Variants in ZFYVE16 observed in about 807,000 individuals in gnomAD.
The protein encoded by ZFYVE16 is zinc finger FYVE domain-containing protein 16.
Under a neutral mutation model 138.1 loss-of-function variants are expected in ZFYVE16, and 89 were observed. The observed-to-expected ratio is 0.64, with a 90% confidence interval of 0.54 to 0.77. The LOEUF is 0.77. ZFYVE16 is among the 30% of genes least tolerant of loss of function. The pLI is 0.00. For missense variants in ZFYVE16, 1,793 were observed against 1,786.7 expected (o/e 1.00, Z -0.06); for synonymous variants, 596 against 618.3 (o/e 0.96, Z 0.53).
At chr5:80,462,577 A>G (rs910005082) in intron 15 of ZFYVE16, among the ~76,000 whole-genome samples, 11 of 152,118 alleles carry the variant, frequency 7.2e-5, no homozygotes, top group Non-Finnish European at 1.5e-4. Context: ...AAGCCTAACT[A>G]TATCATTCCT....
chr5:80,426,266 GTGTGTGTATATATA>G (rs1443051072), intron 1 of ZFYVE16, among the ~76,000 whole-genome samples: 189 of 55,052 alleles, frequency 3.4e-3, no homozygotes, highest in Non-Finnish European at 5.8e-3. Flanking sequence ...GTGTGTGTGT[GTGTGTGTATATATA>G]TATATATATA....
chr5:80,434,841 CAA>C (rs984365359), intron 3 of ZFYVE16, among the ~76,000 whole-genome samples: 2 of 151,990 alleles, frequency 1.3e-5, no homozygotes, highest in African/African-American at 4.8e-5. Context: ...TTCATTACAA[CAA>C]GAGATGGTAT....
chr5:80,412,294 G>T (rs959968534), intron 1 of ZFYVE16, among the ~76,000 whole-genome samples: 4 of 151,948 alleles, frequency 2.6e-5, no homozygotes, highest in African/African-American at 9.7e-5. Flanking sequence ...ATATTACGAA[G>T]ATTTTTTCTT....
chr5:80,412,073 C>T lies in ZFYVE16; in HGVS notation c.-94+3920C>T, dbSNP rs150574204. Among the ~76,000 whole-genome samples the T allele has an allele frequency of 2.4e-3, 361 of 152,278 alleles. 2 individuals are homozygous for T. The highest frequency in any genetic ancestry group is 8.5e-3 in the African/African-American group (353 of 41,552). On this transcript the variant is annotated intron_variant, in intron 1 of 18. Transcript: ENST00000505560. ...GCTCTGGAGTAGCTGAGACCACAGGCGGGCATCACCATGCCTGGCTCATTT... is the reference window on the plus strand; with the variant it reads ...GCTCTGGAGTAGCTGAGACCACAGGTGGGCATCACCATGCCTGGCTCATTT...
Position 80,437,154 on chromosome 5 carries a change from A to C in ZFYVE16, c.469A>C (p.Asn157His). The part of the protein sequence containing the change: ...KKLLPDDFKS[N>H]ADSLIGLDLS... The stretch of plus-strand genomic sequence containing the variant: ...ATTATTGCCAGATGATTTTAAGTCT[A>C]ATGCAGATTCCTTGATTGGATTGGA... Residue 157 changes from asparagine to histidine, a missense_variant, in exon 4 of 19, where the codon AAT becomes CAT. Physicochemically the swap from Asn to His is moderately conservative, Grantham distance 68. Around this residue, in one of 2 missense-constraint regions of ZFYVE16, gnomAD observed 1,295 missense variants for 1,204.3 expected, o/e 1.08. Transcript: ENST00000505560. The C allele has an allele frequency of 6.2e-7, 1 of 1,614,038 alleles. No individual in the cohort carries two copies. Among genetic ancestry groups the C allele is most frequent in the Non-Finnish European group, 8.5e-7 (1 of 1,179,966 alleles).
At position 80,481,201 on chromosome 5, in the gene ZFYVE16, CT is replaced by C. The variant is rs1755256926; in HGVS notation, c.*3825del. Reference sequence around the variant, plus strand: ...AAGAGGTATCACTCTTCTCTTCCCCCTGGTGCACTAGTGGCAGACATTGCAG... The same window carrying C: ...AAGAGGTATCACTCTTCTCTTCCCCCGGTGCACTAGTGGCAGACATTGCAG... On this transcript the variant is annotated 3_prime_UTR_variant, in exon 19 of 19. Coordinates refer to ENST00000505560, the MANE Select transcript of ZFYVE16 (RefSeq NM_001284236.3). 6.6e-6 allele frequency among the ~76,000 whole-genome samples: 1 copy of C among 152,132 alleles called. No individual in the cohort carries two copies.
chr5:80,426,380 T>A (rs1211515442), intron 1 of ZFYVE16, among the ~76,000 whole-genome samples: 1 of 151,890 alleles, frequency 6.6e-6, no homozygotes, highest in Admixed American at 6.6e-5. Context: ...TTGCTGCACC[T>A]GTCAACCCAT....
chr5:80,434,847 A>G (rs1482154499), intron 3 of ZFYVE16, among the ~76,000 whole-genome samples: 1 of 151,816 alleles, frequency 6.6e-6, no homozygotes, highest in African/African-American at 2.4e-5. Context: ...ACAACAAGAG[A>G]TGGTATTTTA....
chr5:80,421,555 C>G (rs1343083590), intron 1 of ZFYVE16, among the ~76,000 whole-genome samples: 2 of 152,098 alleles, frequency 1.3e-5, no homozygotes, highest in African/African-American at 4.8e-5. Flanking sequence ...ATAGGGAATC[C>G]TTTCCCCATT....
intron 1 of ZFYVE16, among the ~76,000 whole-genome samples, chr5:80,423,631 G>A (rs1465354849): frequency 6.6e-6 from 1 of 152,180 alleles, no homozygotes; most frequent in Admixed American, 6.5e-5. Flanking sequence ...CACCTCCCAG[G>A]TTCACGCCAT....
At position 80,438,993 on chromosome 5, in the gene ZFYVE16, C is replaced by A; in HGVS notation, c.2308C>A (p.Arg770=). The part of the protein sequence containing the change: ...FTFTKRRHHC[R]ACGKVFCGVC... ...TTTTACCAAACGGCGACACCATTGC[C>A]GAGCATGTGGGAAAGTAAGTTATAA... is the stretch of plus-strand genomic sequence containing the variant. The change falls in exon 4 of 19, where the codon CGA becomes AGA. Residue 770 remains arginine, a synonymous_variant. Coordinates refer to ENST00000505560, the MANE Select transcript of ZFYVE16 (RefSeq NM_001284236.3). The A allele has an allele frequency of 6.2e-7, 1 of 1,605,398 alleles. No homozygotes were observed. The highest frequency in any genetic ancestry group is 1.1e-5 in the South Asian group (1 of 90,018).
rs1419959967 is a variant in ZFYVE16, at chr5:80,480,926, T to C, written c.*3549T>C. Among the ~76,000 whole-genome samples, 1 of 151,852 alleles carries C rather than the reference T, an allele frequency of 6.6e-6. No individual in the cohort carries two copies. The highest frequency in any genetic ancestry group is 2.4e-5 in the African/African-American group (1 of 41,318). On this transcript the variant is annotated 3_prime_UTR_variant, in exon 19 of 19. Coordinates refer to ENST00000505560, the MANE Select transcript of ZFYVE16 (RefSeq NM_001284236.3). ...AAAAAAAGGAAAAAGAAAAAAGACATTTAACAGGAAAACTGGAAATGCTAG... is the reference window on the plus strand; with the variant it reads ...AAAAAAAGGAAAAAGAAAAAAGACACTTAACAGGAAAACTGGAAATGCTAG...
At chr5:80,422,777 A>G (rs1580125138) in intron 1 of ZFYVE16, among the ~76,000 whole-genome samples, 1 of 152,108 alleles carries the variant, frequency 6.6e-6, no homozygotes, top group Non-Finnish European at 1.5e-5. Context: ...ATTAGCATCA[A>G]TTTATGTGAT....
chr5:80,438,277 C>T lies in ZFYVE16; in HGVS notation c.1592C>T (p.Ala531Val), dbSNP rs1192221343. The T allele has an allele frequency of 4.3e-6, 7 of 1,613,912 alleles. No homozygotes were observed. The highest frequency in any genetic ancestry group is 5.1e-6 in the Non-Finnish European group (6 of 1,179,966). Residue 531 changes from alanine to valine, a missense_variant, in exon 4 of 19, where the codon GCT (alanine) becomes GTT (valine). Physicochemically the swap from Ala to Val is moderately conservative, Grantham distance 64. Around this residue, in one of 2 missense-constraint regions of ZFYVE16, gnomAD observed 1,295 missense variants for 1,204.3 expected, o/e 1.08. Coordinates refer to ENST00000505560, the MANE Select transcript of ZFYVE16 (RefSeq NM_001284236.3). ...GAKSGPLISD[A>V]ELDAFLTEQY... ...AAAAGTGGCCCACTAATTAGTGATG[C>T]TGAACTTGATGCCTTTCTGACAGAA...
At chr5:80,448,447 A>G (rs753176711) in intron 8 of ZFYVE16, 43 bp downstream of exon 8, 2 of 1,395,236 alleles carry the variant, frequency 1.4e-6, no homozygotes, top group Non-Finnish European at 1.9e-6. Flanking sequence ...TTAAAAATAT[A>G]TACTGATGAA....
chr5:80,417,686 G>C (rs894153816), intron 1 of ZFYVE16, among the ~76,000 whole-genome samples: 4 of 152,130 alleles, frequency 2.6e-5, no homozygotes, highest in Non-Finnish European at 5.9e-5. Flanking sequence ...TATTCCATTG[G>C]ATAGATGTGT....
rs758706924 is a variant in ZFYVE16, at chr5:80,448,348, C to G, written c.3047C>G (p.Pro1016Arg). The G allele has an allele frequency of 1.0e-5, 16 of 1,599,824 alleles. No individual in the cohort carries two copies. In the Admixed American group the frequency reaches 1.9e-4, roughly 19 times the overall value. The change falls in exon 8 of 19, where the codon CCT (proline) becomes CGT (arginine). Residue 1016 changes from proline to arginine, a missense_variant. This residue lies in a region of ZFYVE16 where 1,295 missense variants were observed against 1,204.3 expected (regional missense o/e 1.08). Coordinates refer to ENST00000505560, the MANE Select transcript of ZFYVE16 (RefSeq NM_001284236.3). ...KYVCNKISLL[P>R]NDEDSLPPLL... ...GTCTGCAATAAGATTAGTCTTCTACCTAATGATGAGGACAGTTTGCCCCCA... is the reference window on the plus strand; with the variant it reads ...GTCTGCAATAAGATTAGTCTTCTACGTAATGATGAGGACAGTTTGCCCCCA...
rs149614183 is a variant in ZFYVE16 at position 80,436,849 on chromosome 5, T to G, written c.164T>G (p.Leu55Trp). The G allele has an allele frequency of 1.2e-6, 2 of 1,614,146 alleles. No individual in the cohort carries two copies. Among genetic ancestry groups the G allele is most frequent in the East Asian group, 2.2e-5 (1 of 44,868 alleles). Residue 55 changes from leucine to tryptophan, a missense_variant, in exon 4 of 19, where the codon TTG becomes TGG. This residue lies in a region of ZFYVE16 where 1,295 missense variants were observed against 1,204.3 expected (regional missense o/e 1.08). Transcript: ENST00000505560. ...SELASSQRTS[L>W]LPKDQECVNS... ...TTGGCTTCCTCACAGCGAACTTCAT[T>G]GCTCCCAAAAGACCAAGAGTGCGTT...
intron 3 of ZFYVE16, among the ~76,000 whole-genome samples, chr5:80,434,617 G>T (rs75574074): frequency 6.6e-6 from 1 of 151,998 alleles, no homozygotes; most frequent in African/African-American, 2.4e-5. Flanking sequence ...GACCATAGGT[G>T]CATGCCACCA....
Sources: gnomAD v4.1 joint callset for allele counts (sites outside exome capture counted in the v4.1 genomes callset) on GRCh38, gnomAD v4.1.1 for gene constraint, gnomAD v4.1.1 regional missense constraint, MANE v1.5 for transcripts, NCBI Gene and HGNC (gene_info 2026-07-23, HGNC 2026-07-21) for gene names.